EFCAB5: variants seen among roughly 807,000 people sequenced by gnomAD.
The protein encoded by EFCAB5 is EF-hand calcium binding domain 5.
A neutral mutation model predicts 167.9 loss-of-function variants in EFCAB5; 131 were observed. That is an observed-to-expected ratio of 0.78 (90% confidence interval 0.68 to 0.90). EFCAB5 has a LOEUF of 0.90. EFCAB5 is among the 40% of genes least tolerant of loss of function. EFCAB5 has a pLI of 0.00. For missense variants in EFCAB5, 1,663 were observed against 1,745.2 expected (o/e 0.95, Z 0.84); for synonymous variants, 574 against 602.8 (o/e 0.95, Z 0.70).
At chr17:30,045,007 G>A (rs925248533) in intron 8 of EFCAB5, among the ~76,000 whole-genome samples, 1 of 152,152 alleles carries the variant, frequency 6.6e-6, no homozygotes, top group Non-Finnish European at 1.5e-5. Context: ...TACCACTGAT[G>A]AATCTCAAAA....
chr17:29,962,510 G>T (rs1370389306), intron 3 of EFCAB5, among the ~76,000 whole-genome samples: 1 of 151,452 alleles, frequency 6.6e-6, no homozygotes, highest in African/African-American at 2.4e-5. Flanking sequence ...TCACTCTGTT[G>T]CCCAGATTGG....
intron 8 of EFCAB5, among the ~76,000 whole-genome samples, chr17:30,042,096 C>T (rs2151754977): frequency 6.6e-6 from 1 of 152,034 alleles, no homozygotes; most frequent in East Asian, 1.9e-4. Context: ...GCAACCTCTG[C>T]TGCCTAAGTT....
At chr17:30,039,117 T>C (rs1038544152) in intron 8 of EFCAB5, among the ~76,000 whole-genome samples, 2 of 152,072 alleles carry the variant, frequency 1.3e-5, no homozygotes, top group Non-Finnish European at 2.9e-5. Context: ...CTACCACCCT[T>C]AGAATTTCCG....
intron 22 of EFCAB5, among the ~76,000 whole-genome samples, chr17:30,101,693 T>A (rs553442905): frequency 6.6e-6 from 1 of 152,314 alleles, no homozygotes; most frequent in South Asian, 2.1e-4. Flanking sequence ...CGATTCTGAA[T>A]GTTTTGCCAC....
rs578147738 is a variant in EFCAB5, at chr17:30,053,348, T to C, written c.1394T>C (p.Leu465Pro). The change falls in exon 10 of 23, where the codon CTC becomes CCC. Residue 465 changes from leucine (L) to proline (P), a missense_variant. Leu to Pro is a moderately conservative substitution (Grantham distance 98). Transcript: ENST00000394835. ...ATTTATGAAGGTTTTGACAAAGTGC[T>C]CTTGGAGATGAATACATTACTTTCT... Reference protein sequence around the residue: ...KHIYEGFDKVLLEMNTLLSAN... With the variant: ...KHIYEGFDKVPLEMNTLLSAN... 2 of 1,614,018 alleles carry C rather than the reference T, an allele frequency of 1.2e-6. No individual in the cohort carries two copies. Among genetic ancestry groups the C allele is most frequent in the South Asian group, 2.2e-5 (2 of 91,088 alleles).
At chr17:29,996,448 C>A in intron 6 of EFCAB5, 88 bp downstream of exon 6, 1 of 1,162,310 alleles carries the variant, frequency 8.6e-7, no homozygotes, top group South Asian at 1.4e-5. Context: ...CAACATGAGA[C>A]AGATGTTATT....
chr17:29,982,547 G>A (rs1288375043), intron 4 of EFCAB5, among the ~76,000 whole-genome samples: 1 of 152,152 alleles, frequency 6.6e-6, no homozygotes, highest in Non-Finnish European at 1.5e-5. Context: ...TGTGGAAGGG[G>A]GAAATTCAGG....
At chr17:30,032,522 A>G (rs2069504998) in intron 7 of EFCAB5, among the ~76,000 whole-genome samples, 1 of 152,174 alleles carries the variant, frequency 6.6e-6, no homozygotes, top group African/African-American at 2.4e-5. Context: ...CCCATGTAAA[A>G]GATGTCCTCC....
intron 1 of EFCAB5, chr17:29,930,260 A>T (rs1274502044): frequency 5.9e-6 from 3 of 505,384 alleles, no homozygotes; most frequent in African/African-American, 2.0e-5. Context: ...GCCACCTGTC[A>T]GCTACCGCCT....
intron 10 of EFCAB5, among the ~76,000 whole-genome samples, chr17:30,055,656 C>T (rs2070239598): frequency 6.6e-6 from 1 of 152,132 alleles, no homozygotes; most frequent in Admixed American, 6.6e-5. Flanking sequence ...AATGTAGCCT[C>T]ATTTTGCATG....
intron 5 of EFCAB5, among the ~76,000 whole-genome samples, chr17:29,994,892 G>A (rs963460369): frequency 1.3e-5 from 2 of 152,128 alleles, no homozygotes; most frequent in African/African-American, 2.4e-5. Flanking sequence ...GAGGGTCCTG[G>A]GAATTTAACC....
intron 8 of EFCAB5, among the ~76,000 whole-genome samples, chr17:30,045,392 A>G (rs2069894099): frequency 6.9e-6 from 1 of 144,786 alleles, no homozygotes; most frequent in South Asian, 2.3e-4. Flanking sequence ...CGGGAGGCAG[A>G]GGTTGCAGTG....
chr17:30,106,603 C>G (rs1331900456), intron 22 of EFCAB5, among the ~76,000 whole-genome samples: 1 of 152,044 alleles, frequency 6.6e-6, no homozygotes, highest in Non-Finnish European at 1.5e-5. Context: ...ATCACAGGTG[C>G]CCACCACCAC....
chr17:30,104,079 T>G (rs1030544689), intron 22 of EFCAB5, among the ~76,000 whole-genome samples: 1 of 152,166 alleles, frequency 6.6e-6, no homozygotes. Flanking sequence ...CAGTTTATTG[T>G]GTGTGGCTGT....
At position 30,044,314 on chromosome 17, in the gene EFCAB5, A is replaced by G. The variant is rs544094461; in HGVS notation, c.1201-6804A>G. 7.0e-4 allele frequency among the ~76,000 whole-genome samples: 107 copies of G among 152,334 alleles called. 1 individual carries two copies. Among genetic ancestry groups the G allele is most frequent in the African/African-American group, 2.2e-3 (92 of 41,568 alleles). On this transcript the variant is annotated intron_variant, in intron 8 of 22. Transcript: ENST00000394835. The stretch of plus-strand genomic sequence containing the variant: ...AAAGACTGGGAGAGTACAGTGGCTC[A>G]AGCCTGTAATCTCAGCACTTTGGGA...
chr17:29,999,404 G>A (rs889391523), intron 6 of EFCAB5, among the ~76,000 whole-genome samples: 1 of 152,132 alleles, frequency 6.6e-6, no homozygotes, highest in African/African-American at 2.4e-5. Flanking sequence ...GGGCAGAAAG[G>A]AGTGAGAGTG....
At chr17:30,054,699 CCA>C (rs1197140845) in intron 10 of EFCAB5, among the ~76,000 whole-genome samples, 1 of 152,296 alleles carries the variant, frequency 6.6e-6, no homozygotes, top group African/African-American at 2.4e-5. Context: ...CCACAATCAA[CCA>C]CAGTCAGAAA....
At chr17:30,017,010 C>G (rs927787005) in intron 7 of EFCAB5, among the ~76,000 whole-genome samples, 3 of 151,852 alleles carry the variant, frequency 2.0e-5, no homozygotes, top group Non-Finnish European at 4.4e-5. Context: ...AGACCTGTCT[C>G]TACAAAAAAT....
chr17:30,078,549 G>T (rs779818509), intron 15 of EFCAB5, 45 bp downstream of exon 15: 2 of 1,489,982 alleles, frequency 1.3e-6, no homozygotes, highest in African/African-American at 2.8e-5. Flanking sequence ...TTTCCTCAAA[G>T]TAGGCGATGT....
Sources: allele counts gnomAD v4.1 joint callset (sites outside exome capture counted in the v4.1 genomes callset), GRCh38; gene constraint gnomAD v4.1.1; transcripts MANE v1.5; gene names NCBI Gene and HGNC (gene_info 2026-07-23, HGNC 2026-07-21).